Variants in SAMMSON observed in about 807,000 individuals in gnomAD.
SAMMSON encodes survival associated mitochondrial melanoma specific oncogenic non-coding RNA, also known as long intergenic non-protein coding RNA 1212.
chr3:70,156,916 G>A (rs2067594233), intron 4 of SAMMSON, among the ~76,000 whole-genome samples: 1 of 152,078 alleles, frequency 6.6e-6, no homozygotes, highest in South Asian at 2.1e-4. Context: ...TATTTTGAGA[G>A]AGTTCAATAG....
chr3:70,288,198 T>G (rs981178819), intron 6 of SAMMSON, among the ~76,000 whole-genome samples: 20 of 140,530 alleles, frequency 1.4e-4, no homozygotes, highest in Non-Finnish European at 2.6e-4. Flanking sequence ...GGGCATTTAG[T>G]GCTATAAATT....
intron 3 of SAMMSON, among the ~76,000 whole-genome samples, chr3:70,052,289 C>G (rs764251710): frequency 1.1e-4 from 16 of 152,078 alleles, no homozygotes; most frequent in Non-Finnish European, 1.9e-4. Context: ...AGTCTAATAT[C>G]AGTGTGACCC....
intron 4 of SAMMSON, among the ~76,000 whole-genome samples, chr3:70,233,405 C>G (rs916723440): frequency 6.6e-6 from 1 of 152,158 alleles, no homozygotes; most frequent in African/African-American, 2.4e-5. Context: ...TATCTAATAT[C>G]TCATTTTAAA....
intron 3 of SAMMSON, among the ~76,000 whole-genome samples, chr3:70,029,820 G>C (rs760640142): frequency 1.1e-4 from 16 of 151,572 alleles, no homozygotes; most frequent in Non-Finnish European, 2.2e-4. Context: ...GGTCCTTTGG[G>C]GTATAATTTT....
intron 3 of SAMMSON, among the ~76,000 whole-genome samples, chr3:70,027,895 T>C (rs2067047371): frequency 6.6e-6 from 1 of 152,120 alleles, no homozygotes; most frequent in Non-Finnish European, 1.5e-5. Context: ...CAGCAAAGAA[T>C]ACAGAAGACA....
At chr3:70,167,511 C>A (rs188567153) in intron 4 of SAMMSON, among the ~76,000 whole-genome samples, 1 of 151,968 alleles carries the variant, frequency 6.6e-6, no homozygotes, top group African/African-American at 2.4e-5. Context: ...TTGAGCAATA[C>A]AGATCTAGTG....
At chr3:70,104,242 T>C (rs1245926503) in intron 4 of SAMMSON, among the ~76,000 whole-genome samples, 1 of 151,916 alleles carries the variant, frequency 6.6e-6, no homozygotes, top group Non-Finnish European at 1.5e-5. Context: ...GGCAGTTTAG[T>C]GTAGCAATCA....
intron 2 of SAMMSON, among the ~76,000 whole-genome samples, chr3:70,427,475 C>G (rs1168322414): frequency 6.6e-6 from 1 of 152,156 alleles, no homozygotes; most frequent in Non-Finnish European, 1.5e-5. Flanking sequence ...CGCGGTGGCT[C>G]ACGCCTGTAA....
chr3:70,108,681 G>A (rs73838053), intron 4 of SAMMSON, among the ~76,000 whole-genome samples: 1,941 of 151,858 alleles, frequency 0.013, 48 homozygotes, highest in African/African-American at 0.044. Flanking sequence ...TTTTGTAAGA[G>A]GCGACACCGG....
chr3:70,419,905 T>G (rs1358458323), intron 2 of SAMMSON, among the ~76,000 whole-genome samples: 2 of 152,258 alleles, frequency 1.3e-5, no homozygotes, highest in Non-Finnish European at 1.5e-5. Context: ...CCCAAAGTGC[T>G]GGGATTACAG....
intron 4 of SAMMSON, among the ~76,000 whole-genome samples, chr3:70,144,831 C>T (rs1488923087): frequency 6.6e-6 from 1 of 152,136 alleles, no homozygotes; most frequent in Non-Finnish European, 1.5e-5. Flanking sequence ...TCCTCCTTGC[C>T]TCTGCCATGA....
chr3:70,293,605 T>C (rs1011528152), intron 7 of SAMMSON, among the ~76,000 whole-genome samples: 1 of 152,166 alleles, frequency 6.6e-6, no homozygotes, highest in Non-Finnish European at 1.5e-5. Flanking sequence ...TGATATAAGA[T>C]GGTGTTAGCT....
intron 4 of SAMMSON, among the ~76,000 whole-genome samples, chr3:70,201,181 A>C (rs766174698): frequency 1.3e-5 from 2 of 151,802 alleles, no homozygotes; most frequent in Non-Finnish European, 2.9e-5. Flanking sequence ...ATTTTTCCTG[A>C]TCCTCTCCCT....
At chr3:70,333,817 A>G (rs921598368) in intron 7 of SAMMSON, among the ~76,000 whole-genome samples, 8 of 152,178 alleles carry the variant, frequency 5.3e-5, no homozygotes, top group Middle Eastern at 3.2e-3. Context: ...AATGGAGTGG[A>G]GTGACAGGAT....
intron 1 of SAMMSON, among the ~76,000 whole-genome samples, chr3:70,008,820 C>T (rs532149163): frequency 6.6e-6 from 1 of 152,224 alleles, no homozygotes; most frequent in Admixed American, 6.5e-5. Flanking sequence ...CCCATCAATA[C>T]CTAATTTATT....
chr3:70,219,361 A>G (rs1435211778), intron 4 of SAMMSON, among the ~76,000 whole-genome samples: 20 of 152,198 alleles, frequency 1.3e-4, no homozygotes, highest in Admixed American at 1.2e-3. Context: ...TTCACAAACC[A>G]TATTTTGTGT....
intron 3 of SAMMSON, among the ~76,000 whole-genome samples, chr3:70,060,896 G>T (rs1409148722): frequency 1.3e-5 from 2 of 152,128 alleles, no homozygotes; most frequent in Non-Finnish European, 2.9e-5. Flanking sequence ...ATGGATGTAG[G>T]TCAGTGGAAG....
chr3:70,331,863 A>T (rs1184153768), intron 7 of SAMMSON, among the ~76,000 whole-genome samples: 1 of 152,358 alleles, frequency 6.6e-6, no homozygotes, highest in Non-Finnish European at 1.5e-5. Flanking sequence ...AGGAGATTAT[A>T]AAAGTTAATG....
At chr3:70,394,200 G>A (rs986503400), downstream of SAMMSON, among the ~76,000 whole-genome samples, 1 of 152,198 alleles carries the variant, frequency 6.6e-6, no homozygotes, top group Non-Finnish European at 1.5e-5. Context: ...GCTACCGATA[G>A]AAGAGATGGC....
Sources: gnomAD v4.1 joint callset for allele counts (sites outside exome capture counted in the v4.1 genomes callset) on GRCh38, gnomAD v4.1.1 for gene constraint, MANE v1.5 for transcripts, NCBI Gene and HGNC (gene_info 2026-07-23, HGNC 2026-07-21) for gene names.